The following FES variants were observed in gnomAD, a reference collection of about 807,000 sequenced individuals.
The protein encoded by FES is tyrosine-protein kinase Fes/Fps.
In FES, 83 loss-of-function variants were observed where a neutral mutation model predicts 109.6. The ratio of observed to expected loss-of-function variants is 0.76; its 90% CI spans 0.63 to 0.91. The LOEUF (loss-of-function observed/expected upper bound fraction) is 0.91, where lower values mean the gene tolerates loss of function less well. Among genes scored for constraint, FES ranks in the 40% least tolerant of loss-of-function variants. The probability of loss-of-function intolerance (pLI) is 0.00; values close to 1 mark genes in which losing one functional copy is unlikely to be tolerated. For synonymous variants in FES, 458 were observed against 442.1 expected (o/e 1.04, Z -0.45); for missense variants, 943 against 1,070.9 (o/e 0.88, Z 1.67).
chr15:90,895,487 G>A lies in FES; in HGVS notation c.2398G>A (p.Glu800Lys), dbSNP rs2033628662. ...GCTCATGGAGCAGTGCTGGGCCTATGAGCCTGGGCAGCGGCCCAGCTTCAG... is the reference window on the plus strand; with the variant it reads ...GCTCATGGAGCAGTGCTGGGCCTATAAGCCTGGGCAGCGGCCCAGCTTCAG... ...FRLMEQCWAYEPGQRPSFSTI... is the reference protein window; with the variant it reads ...FRLMEQCWAYKPGQRPSFSTI... The change falls in exon 19 of 19, where the codon GAG becomes AAG. Residue 800 changes from glutamate (E) to lysine (K), a missense_variant. By Grantham distance (56) the Glu-to-Lys change is moderately conservative (BLOSUM62 1). Coordinates refer to ENST00000328850, the MANE Select transcript of FES (RefSeq NM_002005.4). The A allele has an allele frequency of 6.3e-7, 1 of 1,599,098 alleles. No homozygotes were observed. Among genetic ancestry groups the A allele is most frequent in the South Asian group, 1.1e-5 (1 of 88,948 alleles).
Position 90,892,708 on chromosome 15 carries a change from G to A in FES, c.1709G>A (p.Gly570Glu). ...DLVLGEQIGR[G>E]NFGEVFSGRL... Reference sequence around the variant, plus strand: ...GGTAGGAGCCCAAGACCGTTTCAGGGGAACTTTGGCGAAGTGTTCAGCGGA... The same window carrying A: ...GGTAGGAGCCCAAGACCGTTTCAGGAGAACTTTGGCGAAGTGTTCAGCGGA... The change falls in exon 14 of 19, where the codon GGG becomes GAG. Residue 570 changes from glycine (G) to glutamate (E), a missense_variant and splice_region_variant. Coordinates refer to ENST00000328850, the MANE Select transcript of FES (RefSeq NM_002005.4). The A allele has an allele frequency of 6.2e-7, 1 of 1,605,774 alleles. No individual in the cohort carries two copies. Among genetic ancestry groups the A allele is most frequent in the Non-Finnish European group, 8.5e-7 (1 of 1,176,082 alleles).
chr15:90,895,350 C>A, intron 18 of FES, 66 bp from the exon 19 acceptor site: 1 of 1,388,454 alleles, frequency 7.2e-7, no homozygotes, highest in South Asian at 1.6e-5. Flanking sequence ...CATGGTATCC[C>A]CCAGAGTCTG....
chr15:90,886,947 T>C lies in FES; in HGVS notation c.388-14T>C. On this transcript the variant is annotated splice_polypyrimidine_tract_variant and intron_variant, in intron 3 of 18. Coordinates refer to ENST00000328850, the MANE Select transcript of FES (RefSeq NM_002005.4). ...GGACCTGCTGCCCCACACTGGCCTCTCCTCTCTCCCTAGACCCACAGCCAG... is the reference window on the plus strand; with the variant it reads ...GGACCTGCTGCCCCACACTGGCCTCCCCTCTCTCCCTAGACCCACAGCCAG... 3 of 1,613,480 alleles carry C rather than the reference T, an allele frequency of 1.9e-6. No homozygotes were observed. The highest frequency in any genetic ancestry group is 2.5e-6 in the Non-Finnish European group (3 of 1,179,510).
rs184769574 is a variant in FES, at chr15:90,891,605, G to A, written c.1582G>A (p.Asp528Asn). The part of the protein sequence containing the change: ...EGFPSIPLLI[D>N]HLLSTQQPLT... ...CTTTCCTAGCATTCCTTTGCTCATC[G>A]ACCACCTACTGAGCACCCAGCAGCC... The change falls in exon 12 of 19, where the codon GAC (aspartate) becomes AAC (asparagine). Residue 528 changes from aspartate to asparagine, a missense_variant. Asp to Asn is a conservative substitution (Grantham distance 23). Coordinates refer to ENST00000328850, the MANE Select transcript of FES (RefSeq NM_002005.4). 3.7e-6 allele frequency: 6 copies of A among 1,613,966 alleles called. No homozygotes were observed. The highest frequency in any genetic ancestry group is 2.7e-5 in the African/African-American group (2 of 75,034).
In FES at chr15:90,895,633, C is replaced by T; in HGVS notation, c.*75C>T. On this transcript the variant is annotated 3_prime_UTR_variant, in exon 19 of 19. Coordinates refer to ENST00000328850, the MANE Select transcript of FES (RefSeq NM_002005.4). ...CTCCTCAGCGGCTCCAGCTCATATG[C>T]TGACAGCTCTTCACAGTCCTGGACT... is the stretch of plus-strand genomic sequence containing the variant. 3.0e-6 allele frequency: 4 copies of T among 1,339,512 alleles called. No individual in the cohort carries two copies. Among genetic ancestry groups the T allele is most frequent in the South Asian group, 1.6e-5 (1 of 63,556 alleles). The allele number at this position is 1,339,512 out of a possible 1,614,324, so 83.0% of individuals were successfully genotyped here.
intron 2 of FES, 47 bp from the exon 3 acceptor site, chr15:90,885,365 G>A (rs1459912312): frequency 6.3e-7 from 1 of 1,596,770 alleles, no homozygotes; most frequent in Admixed American, 1.7e-5. Flanking sequence ...CCAATGCTTG[G>A]GAGCCATTGT....
intron 3 of FES, among the ~76,000 whole-genome samples, chr15:90,885,887 G>A (rs1251307564): frequency 3.3e-5 from 5 of 152,166 alleles, no homozygotes; most frequent in African/African-American, 1.2e-4. Flanking sequence ...GTGCCATCTG[G>A]CTCTGGGTTC....
intron 5 of FES, among the ~76,000 whole-genome samples, chr15:90,888,130 G>C (rs922147317): frequency 1.3e-5 from 2 of 152,138 alleles, no homozygotes; most frequent in Admixed American, 1.3e-4. Context: ...TTTTGAGTCA[G>C]AGTCTCGCTC....
Position 90,885,180 on chromosome 15 carries a change from A to C in FES, c.135A>C (p.Ala45=), listed in dbSNP as rs758883431. Residue 45 remains alanine (A), a synonymous_variant, in exon 2 of 19, where the codon GCA becomes GCC. Coordinates refer to ENST00000328850, the MANE Select transcript of FES (RefSeq NM_002005.4). Reference sequence around the variant, plus strand: ...GGGTCAAGAGTGACAGGGAGTATGCAGGACTGCTTCACCACATGTCCCTGC... The same window carrying C: ...GGGTCAAGAGTGACAGGGAGTATGCCGGACTGCTTCACCACATGTCCCTGC... The part of the protein sequence containing the change: ...AQRVKSDREY[A]GLLHHMSLQD... 1.2e-6 allele frequency: 2 copies of C among 1,613,908 alleles called. No individual in the cohort carries two copies. The highest frequency in any genetic ancestry group is 1.7e-6 in the Non-Finnish European group (2 of 1,180,022).
In FES at chr15:90,887,176, C is replaced by T. The variant is rs72755383; in HGVS notation, c.485-11C>T. On this transcript the variant is annotated splice_polypyrimidine_tract_variant and intron_variant, in intron 4 of 18. Coordinates refer to ENST00000328850, the MANE Select transcript of FES (RefSeq NM_002005.4). The stretch of plus-strand genomic sequence containing the variant: ...TGCTGTCATCTATACCCCTTGCCCC[C>T]CTTCTGGCAGACAAGGACCGTGACA... The T allele has an allele frequency of 5.0e-6, 8 of 1,612,268 alleles. No individual in the cohort carries two copies. In the African/African-American group the frequency reaches 5.3e-5, roughly 11 times the overall value.
At position 90,889,255 on chromosome 15, in the gene FES, G is replaced by T; in HGVS notation, c.669-51G>T. The T allele has an allele frequency of 6.2e-7, 1 of 1,605,080 alleles. No individual in the cohort carries two copies. On this transcript the variant is annotated intron_variant, in intron 5 of 18. Transcript: ENST00000328850. The surrounding 1 kb of genome is among the most constrained non-coding windows in gnomAD (Gnocchi z 6.1). The stretch of plus-strand genomic sequence containing the variant: ...CAGGGTCCTAGGCCTGAACTGCCCA[G>T]CCTTGCCCAGCCTGAGGCTCCCCTG...
Position 90,889,237 on chromosome 15 carries a change from C to T in FES, c.669-69C>T. ...CAGCCCTGACTCCAAACCCAGGGTC[C>T]TAGGCCTGAACTGCCCAGCCTTGCC... On this transcript the variant is annotated intron_variant, in intron 5 of 18. Transcript: ENST00000328850. This position sits in a 1 kb window ranked among gnomAD's most constrained non-coding sequence, Gnocchi z 6.1. 1 of 1,589,480 alleles carries T rather than the reference C, an allele frequency of 6.3e-7. No homozygotes were observed. Among genetic ancestry groups the T allele is most frequent in the Non-Finnish European group, 8.6e-7 (1 of 1,168,252 alleles).
chr15:90,892,623 G>GGGGTAGGAAGCAGAAT, intron 13 of FES, 84 bp from the exon 14 acceptor site: 1 of 1,397,296 alleles, frequency 7.2e-7, no homozygotes, highest in Non-Finnish European at 9.9e-7. Context: ...CCCTCACCCA[G>GGGGTAGGAAGCAGAAT]GGGTAGGAAG....
intron 2 of FES, 72 bp from the exon 3 acceptor site, chr15:90,885,340 T>C (rs1345340975): frequency 6.3e-7 from 1 of 1,597,126 alleles, no homozygotes; most frequent in South Asian, 1.1e-5. Flanking sequence ...GGGCAGTGGC[T>C]GGAGATCTGG....
At position 90,893,339 on chromosome 15, in the gene FES, T is replaced by C; in HGVS notation, c.1970T>C (p.Val657Ala). The part of the protein sequence containing the change: ...FLRTEGARLR[V>A]KTLLQMVGDA... ...CGCACGGAGGGGGCCCGCCTGCGGG[T>C]GAAGACTCTGCTGCAGATGGTGGGG... The change falls in exon 16 of 19, where the codon GTG becomes GCG. Residue 657 changes from valine (V) to alanine (A), a missense_variant. Physicochemically the swap from Val to Ala is moderately conservative, Grantham distance 64. Transcript: ENST00000328850. The C allele has an allele frequency of 1.3e-6, 2 of 1,576,546 alleles. No individual in the cohort carries two copies. Among genetic ancestry groups the C allele is most frequent in the Non-Finnish European group, 1.7e-6 (2 of 1,160,762 alleles).
intron 5 of FES, 94 bp downstream of exon 5, chr15:90,887,464 G>A: frequency 7.4e-7 from 1 of 1,349,434 alleles, no homozygotes; most frequent in Non-Finnish European, 9.9e-7. Flanking sequence ...ATCCATTGCT[G>A]GGAAGGTGCT....
In FES at chr15:90,885,258, G is replaced by T; in HGVS notation, c.213G>T (p.Gln71His). ...TCAGCCCTGACAGCCCCATCAGTCAGGTGGGTCTCTATGGGACTCTGGTGG... is the reference window on the plus strand; with the variant it reads ...TCAGCCCTGACAGCCCCATCAGTCATGTGGGTCTCTATGGGACTCTGGTGG... ...RAISPDSPISQSWAEITSQTE... is the reference protein window; with the variant it reads ...RAISPDSPISHSWAEITSQTE... The change falls in exon 2 of 19, where the codon CAG becomes CAT. Residue 71 changes from glutamine (Q) to histidine (H), a missense_variant and splice_region_variant. Physicochemically the swap from Gln to His is conservative, Grantham distance 24. Coordinates refer to ENST00000328850, the MANE Select transcript of FES (RefSeq NM_002005.4). 1 of 1,611,782 alleles carries T rather than the reference G, an allele frequency of 6.2e-7. No homozygotes were observed.
intron 11 of FES, 61 bp from the exon 12 acceptor site, chr15:90,891,493 C>A: frequency 6.2e-7 from 1 of 1,609,170 alleles, no homozygotes; most frequent in East Asian, 2.2e-5. Context: ...CCCTTTCCCC[C>A]TCCCAGGGCT....
At chr15:90,892,664 G>A in intron 13 of FES, 43 bp from the exon 14 acceptor site, 1 of 1,544,610 alleles carries the variant, frequency 6.5e-7, no homozygotes, top group East Asian at 2.4e-5. Flanking sequence ...GAAGAGAACT[G>A]CGGGACTGGG....
Sources: allele counts gnomAD v4.1 joint callset (sites outside exome capture counted in the v4.1 genomes callset), GRCh38; gene constraint gnomAD v4.1.1; non-coding constraint Gnocchi (gnomAD v3.1); transcripts MANE v1.5; gene names NCBI Gene and HGNC (gene_info 2026-07-23, HGNC 2026-07-21).